GPM6A: variants seen among roughly 807,000 people sequenced by gnomAD.
GPM6A encodes the protein neuronal membrane glycoprotein M6-a.
In GPM6A, 7 loss-of-function variants were observed where a neutral mutation model predicts 32.1. The observed-to-expected ratio is 0.22, with a 90% CI of 0.12 to 0.41. GPM6A has a LOEUF of 0.41. Ranked by LOEUF, GPM6A falls within the 10% of genes least tolerant of loss-of-function variation. GPM6A has a pLI of 1.00. For synonymous variants in GPM6A, 130 were observed against 123.4 expected (o/e 1.05, Z -0.35); for missense variants, 235 against 347.2 (o/e 0.68, Z 2.57).
intron 2 of GPM6A, among the ~76,000 whole-genome samples, chr4:175,692,166 G>A (rs979196655): frequency 6.6e-6 from 1 of 152,086 alleles, no homozygotes; most frequent in African/African-American, 2.4e-5. Flanking sequence ...GCAATGGTAA[G>A]CTAGAACTTG....
chr4:175,798,124 G>A (rs1272847344), intron 1 of GPM6A, among the ~76,000 whole-genome samples: 7 of 152,160 alleles, frequency 4.6e-5, no homozygotes, highest in African/African-American at 7.2e-5. Flanking sequence ...ATATGGTACC[G>A]CTATACTTGT....
intron 2 of GPM6A, among the ~76,000 whole-genome samples, chr4:175,685,765 A>C (rs1743943144): frequency 6.6e-6 from 1 of 152,174 alleles, no homozygotes; most frequent in African/African-American, 2.4e-5. Context: ...GGAGTGTCTC[A>C]TTGTGTAATA....
At chr4:175,780,402 A>C (rs527905091) in intron 1 of GPM6A, among the ~76,000 whole-genome samples, 94 of 152,318 alleles carry the variant, frequency 6.2e-4, no homozygotes, top group Non-Finnish European at 1.1e-3. Context: ...CTTGCTCTGC[A>C]AAAGGAAGTG....
intron 1 of GPM6A, among the ~76,000 whole-genome samples, chr4:175,931,624 A>C (rs1176940699): frequency 6.6e-6 from 1 of 151,952 alleles, no homozygotes; most frequent in Non-Finnish European, 1.5e-5. Flanking sequence ...TTCCAGATAC[A>C]CAAAAGCTTT....
intron 1 of GPM6A, among the ~76,000 whole-genome samples, chr4:176,000,101 A>G (rs891259693): frequency 2.8e-4 from 42 of 152,052 alleles, no homozygotes; most frequent in South Asian, 8.3e-4. Flanking sequence ...CCCCTGCTAC[A>G]GGCCTGCTCT....
At chr4:175,819,599 G>T (rs1023131338) in intron 1 of GPM6A, among the ~76,000 whole-genome samples, 1 of 152,098 alleles carries the variant, frequency 6.6e-6, no homozygotes, top group Non-Finnish European at 1.5e-5. Flanking sequence ...TCCCCATTTT[G>T]ATAGAGGAGG....
intron 1 of GPM6A, among the ~76,000 whole-genome samples, chr4:175,906,120 T>A (rs115177005): frequency 0.012 from 1,777 of 152,204 alleles, 22 homozygotes; most frequent in African/African-American, 0.04. Context: ...AATGAGTGAA[T>A]CAATGGCCAC....
intron 2 of GPM6A, among the ~76,000 whole-genome samples, chr4:175,699,104 T>C (rs1750812030): frequency 1.3e-5 from 2 of 152,174 alleles, no homozygotes; most frequent in Admixed American, 1.3e-4. Flanking sequence ...GTTAAGGACA[T>C]CTGTGATGGT....
intron 1 of GPM6A, among the ~76,000 whole-genome samples, chr4:175,807,970 G>T (rs973690945): frequency 6.6e-6 from 1 of 152,182 alleles, no homozygotes; most frequent in Non-Finnish European, 1.5e-5. Flanking sequence ...TAAGGTTATT[G>T]TGAAGAGCCA....
At chr4:175,970,664 G>GA (rs1279818537) in intron 1 of GPM6A, among the ~76,000 whole-genome samples, 1 of 152,036 alleles carries the variant, frequency 6.6e-6, no homozygotes. Flanking sequence ...AGTCACGAGT[G>GA]AAAAAAGGAA....
chr4:175,735,684 T>A (rs563594887), intron 1 of GPM6A, among the ~76,000 whole-genome samples: 32 of 152,066 alleles, frequency 2.1e-4, no homozygotes, highest in African/African-American at 7.7e-4. Context: ...CTCAGCCTCC[T>A]GAGTAGCTGG....
chr4:175,671,567 C>G (rs112333716), intron 3 of GPM6A, among the ~76,000 whole-genome samples: 106 of 145,778 alleles, frequency 7.3e-4, no homozygotes, highest in African/African-American at 2.4e-3. Flanking sequence ...CTTTCTTTTC[C>G]CCTCGATTTC....
chr4:175,798,068 T>C (rs899507088), intron 1 of GPM6A, among the ~76,000 whole-genome samples: 4 of 152,146 alleles, frequency 2.6e-5, no homozygotes, highest in African/African-American at 9.7e-5. Flanking sequence ...TCATCAAAAA[T>C]AGGTGATGCT....
intron 1 of GPM6A, among the ~76,000 whole-genome samples, chr4:175,791,011 A>T (rs749567279): frequency 6.6e-6 from 1 of 152,130 alleles, no homozygotes; most frequent in Non-Finnish European, 1.5e-5. Flanking sequence ...GAGAATAAAG[A>T]AAAAAAGAAA....
intron 1 of GPM6A, among the ~76,000 whole-genome samples, chr4:175,701,970 G>A (rs966497692): frequency 6.6e-5 from 10 of 152,096 alleles, no homozygotes; most frequent in African/African-American, 2.4e-4. Flanking sequence ...GAGAATGTTT[G>A]CCATGACTGA....
At chr4:175,743,955 A>G (rs1203567256) in intron 1 of GPM6A, among the ~76,000 whole-genome samples, 1 of 136,680 alleles carries the variant, frequency 7.3e-6, no homozygotes, top group Non-Finnish European at 1.7e-5. Flanking sequence ...AATATCTAAT[A>G]GGACAAAAAA....
chr4:175,811,885 T>C (rs1734933618), intron 1 of GPM6A: 1 of 221,818 alleles, frequency 4.5e-6, no homozygotes. Flanking sequence ...GCTCGGCAAG[T>C]GTGAAATCAC....
At chr4:175,965,923 T>C (rs767068982) in intron 1 of GPM6A, among the ~76,000 whole-genome samples, 25 of 152,140 alleles carry the variant, frequency 1.6e-4, no homozygotes, top group Admixed American at 3.3e-4. Flanking sequence ...AGAGGGTCTA[T>C]TTCTGTTGAA....
chr4:175,687,359 C>A (rs1446839583), intron 2 of GPM6A, among the ~76,000 whole-genome samples: 1 of 152,066 alleles, frequency 6.6e-6, no homozygotes, highest in East Asian at 1.9e-4. Flanking sequence ...TGACAACCAC[C>A]ATTCTATCTT....
Sources: allele counts gnomAD v4.1 joint callset (sites outside exome capture counted in the v4.1 genomes callset), GRCh38; gene constraint gnomAD v4.1.1; transcripts MANE v1.5; gene names NCBI Gene and HGNC (gene_info 2026-07-23, HGNC 2026-07-21).